Variants in PTDSS1 observed in about 807,000 individuals in gnomAD.
The protein encoded by PTDSS1 is phosphatidylserine synthase 1, also known as PSS-1.
PTDSS1 carries 45 observed loss-of-function variants against 70.5 expected under a neutral mutation model. The observed-to-expected ratio is 0.64, with a 90% CI of 0.50 to 0.82. The LOEUF (loss-of-function observed/expected upper bound fraction) is 0.82. PTDSS1 is among the 40% of genes least tolerant of loss of function. The pLI is 0.00. For missense variants in PTDSS1, 417 were observed against 586.1 expected, an observed-to-expected ratio of 0.71 and a Z score of 2.98; for synonymous variants, 188 against 203.8, an observed-to-expected ratio of 0.92 and a Z score of 0.66.
Position 96,333,936 on chromosome 8 carries a change from A to C in PTDSS1, c.*370A>C. 1 of 562,154 alleles carries C rather than the reference A, an allele frequency of 1.8e-6. No individual in the cohort carries two copies. The highest frequency in any genetic ancestry group is 3.3e-5 in the Admixed American group (1 of 30,142). The allele number at this position is 562,154 out of a possible 1,614,324, so 34.8% of individuals were successfully genotyped here. A position where few individuals can be genotyped will look rare whatever the true frequency, so the allele number is the denominator to read the frequency against. ...ACATCTTCCTTCAGACGAGGCATTA[A>C]CCCCATGGTTAATGGACTGGTCACC... is the stretch of plus-strand genomic sequence containing the variant. On this transcript the variant is annotated 3_prime_UTR_variant, in exon 13 of 13. Transcript: ENST00000517309.
At chr8:96,324,206 A>T (rs1811408658) in intron 10 of PTDSS1, among the ~76,000 whole-genome samples, 1 of 152,182 alleles carries the variant, frequency 6.6e-6, no homozygotes, top group African/African-American at 2.4e-5. Flanking sequence ...GGGAACGCTT[A>T]AGTAATCTCT....
intron 9 of PTDSS1, among the ~76,000 whole-genome samples, chr8:96,311,034 G>A (rs1015903630): frequency 6.6e-6 from 1 of 152,146 alleles, no homozygotes; most frequent in Non-Finnish European, 1.5e-5. Context: ...CCAAAGTGCT[G>A]GGATTACAGG....
intron 2 of PTDSS1, among the ~76,000 whole-genome samples, chr8:96,280,167 A>C (rs967036074): frequency 1.3e-5 from 2 of 152,200 alleles, no homozygotes; most frequent in Admixed American, 1.3e-4. Context: ...AGCTCTTCTC[A>C]TGAAGACATT....
chr8:96,286,234 C>T (rs999833611), intron 3 of PTDSS1, among the ~76,000 whole-genome samples: 1 of 152,178 alleles, frequency 6.6e-6, no homozygotes, highest in Non-Finnish European at 1.5e-5. Flanking sequence ...CCAATGAGTT[C>T]AAGGGAAAGA....
intron 2 of PTDSS1, chr8:96,283,587 G>A (rs1055122677): frequency 1.3e-5 from 2 of 151,346 alleles, no homozygotes; most frequent in African/African-American, 4.9e-5. Flanking sequence ...TGTTTCCTCT[G>A]TTATTTTTCA....
chr8:96,295,133 G>A lies in PTDSS1; in HGVS notation c.477G>A (p.Glu159=). 6.2e-6 allele frequency: 10 copies of A among 1,614,020 alleles called. No individual in the cohort carries two copies. The highest frequency in any genetic ancestry group is 8.5e-6 in the Non-Finnish European group (10 of 1,179,928). Residue 159 remains glutamate (E), a synonymous_variant, in exon 5 of 13, where the codon GAG becomes GAA. Coordinates refer to ENST00000517309, the MANE Select transcript of PTDSS1 (RefSeq NM_014754.3). ...TGAACTGCCATGTGATCACCTGGGAGAGGATTATCAGCCACTTTGATATTT... is the reference window on the plus strand; with the variant it reads ...TGAACTGCCATGTGATCACCTGGGAAAGGATTATCAGCCACTTTGATATTT... ...YAVNCHVITW[E]RIISHFDIFA...
intron 7 of PTDSS1, 27 bp downstream of exon 7, chr8:96,304,208 G>A (rs760210757): frequency 6.3e-7 from 1 of 1,580,104 alleles, no homozygotes; most frequent in African/African-American, 1.4e-5. Context: ...CCAGAAGTTG[G>A]GAGGAAAACA....
intron 5 of PTDSS1, among the ~76,000 whole-genome samples, chr8:96,296,132 C>CTTTTTT (rs34559310): frequency 1.8e-5 from 1 of 54,270 alleles, no homozygotes; most frequent in Non-Finnish European, 3.5e-5. Flanking sequence ...TCATGGTGTT[C>CTTTTTT]TTTTTTTTTT....
intron 9 of PTDSS1, among the ~76,000 whole-genome samples, chr8:96,315,682 C>A (rs1202135108): frequency 6.6e-6 from 1 of 152,146 alleles, no homozygotes; most frequent in Admixed American, 6.5e-5. Flanking sequence ...TCTCTAGTGC[C>A]TGCTCCCAGC....
At chr8:96,283,156 G>C (rs1270565409) in intron 2 of PTDSS1, among the ~76,000 whole-genome samples, 1 of 152,192 alleles carries the variant, frequency 6.6e-6, no homozygotes, top group East Asian at 1.9e-4. Context: ...ACTGTCACTA[G>C]CTCCTGAGGC....
At chr8:96,300,759 T>C (rs1394207572) in intron 6 of PTDSS1, among the ~76,000 whole-genome samples, 1 of 152,210 alleles carries the variant, frequency 6.6e-6, no homozygotes, top group African/African-American at 2.4e-5. Flanking sequence ...ATAAACCATG[T>C]AGTATTTAAC....
In PTDSS1 at chr8:96,299,819, G is replaced by C. The variant is rs1436258686; in HGVS notation, c.726G>C (p.Met242Ile). ...LGMVVCRFLE[M>I]RTYHWASFKD... ...TGGTCGTTTGCCGGTTTTTAGAGATGAGGACTTACCACTGGGCAAGCTTCA... is the reference window on the plus strand; with the variant it reads ...TGGTCGTTTGCCGGTTTTTAGAGATCAGGACTTACCACTGGGCAAGCTTCA... The change falls in exon 6 of 13, where the codon ATG (methionine) becomes ATC (isoleucine). Residue 242 changes from methionine to isoleucine, a missense_variant. Transcript: ENST00000517309. The C allele has an allele frequency of 6.2e-7, 1 of 1,613,806 alleles. No homozygotes were observed. Among genetic ancestry groups the C allele is most frequent in the African/African-American group, 1.3e-5 (1 of 74,886 alleles).
At chr8:96,301,791 C>T (rs557747285) in intron 6 of PTDSS1, among the ~76,000 whole-genome samples, 2 of 152,166 alleles carry the variant, frequency 1.3e-5, no homozygotes, top group African/African-American at 4.8e-5. Flanking sequence ...TCTGGGATTA[C>T]AGGCGTGAGC....
At chr8:96,331,154 T>A in intron 12 of PTDSS1, 59 bp downstream of exon 12, 1 of 1,463,206 alleles carries the variant, frequency 6.8e-7, no homozygotes, top group Non-Finnish European at 9.6e-7. Flanking sequence ...GTGGAATTAT[T>A]ACCTATTCTT....
At chr8:96,324,988 A>G (rs1392438392) in intron 10 of PTDSS1, among the ~76,000 whole-genome samples, 1 of 152,182 alleles carries the variant, frequency 6.6e-6, no homozygotes, top group Non-Finnish European at 1.5e-5. Context: ...TCATTCACAG[A>G]CAGTTGCTGA....
intron 4 of PTDSS1, among the ~76,000 whole-genome samples, chr8:96,292,338 A>G (rs1358370790): frequency 6.6e-6 from 1 of 151,892 alleles, no homozygotes; most frequent in Admixed American, 6.6e-5. Context: ...TTAAAGTGCT[A>G]TACATTGTAA....
chr8:96,274,501 G>T (rs929149613), intron 2 of PTDSS1, among the ~76,000 whole-genome samples: 3 of 152,114 alleles, frequency 2.0e-5, no homozygotes, highest in African/African-American at 7.2e-5. Context: ...CGAGGTGGGC[G>T]GATCAGCTGA....
At chr8:96,323,964 C>T (rs757678555) in intron 10 of PTDSS1, among the ~76,000 whole-genome samples, 1 of 152,230 alleles carries the variant, frequency 6.6e-6, no homozygotes, top group Non-Finnish European at 1.5e-5. Context: ...AGTAGCCACA[C>T]AGTAGCCCGA....
intron 5 of PTDSS1, among the ~76,000 whole-genome samples, chr8:96,296,956 C>T (rs1586195653): frequency 6.6e-6 from 1 of 152,202 alleles, no homozygotes; most frequent in South Asian, 2.1e-4. Context: ...TCTTTCCCTG[C>T]TTCCCAGTGC....
Sources: gnomAD v4.1 joint callset for allele counts (sites outside exome capture counted in the v4.1 genomes callset) on GRCh38, gnomAD v4.1.1 for gene constraint, MANE v1.5 for transcripts, NCBI Gene and HGNC (gene_info 2026-07-23, HGNC 2026-07-21) for gene names.